C11orf71: variants seen among roughly 807,000 people sequenced by gnomAD.
C11orf71 encodes chromosome 11 open reading frame 71, also known as uncharacterized protein C11orf71.
For synonymous variants in C11orf71, 72 were observed against 73.4 expected (o/e 0.98, Z 0.09); for missense variants, 179 against 167.6 (o/e 1.07, Z -0.38).
At chr11:114,397,340 T>C (rs1946137128), downstream of C11orf71, among the ~76,000 whole-genome samples, 1 of 152,198 alleles carries the variant, frequency 6.6e-6, no homozygotes, top group African/African-American at 2.4e-5. Flanking sequence ...CTTGGGAAAC[T>C]TAGTTGTCCC....
In C11orf71 at chr11:114,399,907, T is replaced by G; in HGVS notation, c.*53A>C. 6.6e-7 allele frequency: 1 copy of G among 1,504,690 alleles called. No homozygotes were observed. Among genetic ancestry groups the G allele is most frequent in the Non-Finnish European group, 8.9e-7 (1 of 1,128,398 alleles). The allele number at this position is 1,504,690 out of a possible 1,614,324, so 93.2% of individuals were successfully genotyped here. On this transcript the variant is annotated 3_prime_UTR_variant, in exon 1 of 1. Coordinates refer to ENST00000623205, the MANE Select transcript of C11orf71 (RefSeq NM_001271562.2). ...CGATTGCTGCTACACCAAGAAAGGA[T>G]TTTAAAAAGGCCTGTTCACAAGCTA...
At chr11:114,393,232 T>TAAAAGTTAAAACAAGAAGCAAGATCTC in intron 1 of C11orf71, among the ~76,000 whole-genome samples, 1 of 152,172 alleles carries the variant, frequency 6.6e-6, no homozygotes, top group African/African-American at 2.4e-5. Flanking sequence ...TCCTATCTGT[T>TAAAAGTTAAAACAAGAAGCAAGATCTC]AAAAGTTAAA....
At chr11:114,392,544 AAAAAAAG>A (rs1370667621) in intron 1 of C11orf71, among the ~76,000 whole-genome samples, 3 of 148,752 alleles carry the variant, frequency 2.0e-5, no homozygotes, top group African/African-American at 7.4e-5. Flanking sequence ...AAAAAAAAAA[AAAAAAAG>A]AAGAAGAAGA....
At position 114,400,493 on chromosome 11, in the gene C11orf71, G is replaced by T; in HGVS notation, c.-162C>A. ...CCAGAAGCCGCCTTGCCTTTAACGA[G>T]GGGTATCCTGGCGAGCATGCGCAGA... On this transcript the variant is annotated 5_prime_UTR_variant, in exon 1 of 1. Transcript: ENST00000623205. The T allele has an allele frequency of 7.9e-7, 1 of 1,266,208 alleles. No individual in the cohort carries two copies. The highest frequency in any genetic ancestry group is 1.1e-6 in the Non-Finnish European group (1 of 929,872). 78.4% of individuals were successfully genotyped at this position (1,266,208 alleles called of 1,614,324 possible).
intron 1 of C11orf71, among the ~76,000 whole-genome samples, chr11:114,392,768 T>C (rs1025324018): frequency 6.7e-6 from 1 of 148,338 alleles, no homozygotes; most frequent in African/African-American, 2.5e-5. Flanking sequence ...GTACAATGCA[T>C]CTTTTTCAGG....
At chr11:114,397,577 T>A (rs1946138840), downstream of C11orf71, among the ~76,000 whole-genome samples, 1 of 152,180 alleles carries the variant, frequency 6.6e-6, no homozygotes, top group African/African-American at 2.4e-5. Flanking sequence ...TTACTGCACA[T>A]ACACTATTAT....
At chr11:114,395,739 T>G (rs1482403137), downstream of C11orf71, among the ~76,000 whole-genome samples, 5 of 152,206 alleles carry the variant, frequency 3.3e-5, no homozygotes, top group Admixed American at 6.5e-5. Flanking sequence ...ATAATGCCAA[T>G]TTTGATCCTC....
chr11:114,397,533 G>GTTCA (rs201556801), downstream of C11orf71, among the ~76,000 whole-genome samples: 311 of 152,222 alleles, frequency 2.0e-3, 2 homozygotes, highest in African/African-American at 7.2e-3. Flanking sequence ...GTTCTCTCTT[G>GTTCA]CCAAACAAAA....
chr11:114,400,189 G>A lies in C11orf71; in HGVS notation c.143C>T (p.Ala48Val), dbSNP rs781642078. The change falls in exon 1 of 1, where the codon GCG (alanine) becomes GTG (valine). Residue 48 changes from alanine to valine, a missense_variant. By Grantham distance (64) the Ala-to-Val change is moderately conservative (BLOSUM62 0). Coordinates refer to ENST00000623205, the MANE Select transcript of C11orf71 (RefSeq NM_001271562.2). ...GDGFLVSRPE[A>V]IHLGPRQAVR... Reference sequence around the variant, plus strand: ...CGCCTGCCGAGGTCCTAGATGAATCGCTTCAGGCCTGGAAACGAGGAAGCC... The same window carrying A: ...CGCCTGCCGAGGTCCTAGATGAATCACTTCAGGCCTGGAAACGAGGAAGCC... 2.5e-6 allele frequency: 4 copies of A among 1,613,548 alleles called. No homozygotes were observed. In the African/African-American group the frequency reaches 5.3e-5, roughly 22 times the overall value.
chr11:114,398,183 ACT>A (rs1411756028), downstream of C11orf71, among the ~76,000 whole-genome samples: 2 of 151,812 alleles, frequency 1.3e-5, no homozygotes, highest in Non-Finnish European at 2.9e-5. Flanking sequence ...CCAGTCTAAC[ACT>A]CTGTTTATAG....
intron 1 of C11orf71, among the ~76,000 whole-genome samples, chr11:114,392,529 C>CAAAAAAAAA (rs386374967): frequency 5.2e-4 from 27 of 51,556 alleles, no homozygotes; most frequent in South Asian, 1.1e-3. Context: ...TAGAATGAGA[C>CAAAAAAAAA]AAAAAAAAAA....
Position 114,400,154 on chromosome 11 carries a change from TTGGTCGCACCGCC to T in C11orf71, c.165_177del (p.Val57PhefsTer42), listed in dbSNP as rs1187067862. Reference sequence around the variant, plus strand: ...ACTCGACGGCTCTCGGCCCGAACGCTTGGTCGCACCGCCTGCCGAGGTCCTAGATGAATCGCTT... The same window carrying T: ...ACTCGACGGCTCTCGGCCCGAACGCTTGCCGAGGTCCTAGATGAATCGCTT... On this transcript the variant is annotated frameshift_variant, in exon 1 of 1. Transcript: ENST00000623205. LOFTEE classifies it low-confidence loss of function (END_TRUNC). 1.2e-6 allele frequency: 2 copies of T among 1,613,856 alleles called. No homozygotes were observed. The highest frequency in any genetic ancestry group is 1.7e-6 in the Non-Finnish European group (2 of 1,179,876).
downstream of C11orf71, among the ~76,000 whole-genome samples, chr11:114,395,530 C>G (rs1946124666): frequency 6.6e-6 from 1 of 152,120 alleles, no homozygotes; most frequent in South Asian, 2.1e-4. Flanking sequence ...ACTCTCAGGT[C>G]TTTGGGAAGT....
At chr11:114,394,221 TTCTTTTC>T (rs1565256466), downstream of C11orf71, among the ~76,000 whole-genome samples, 6 of 64,902 alleles carry the variant, frequency 9.2e-5, no homozygotes, top group African/African-American at 4.0e-4. Flanking sequence ...TTCTTTTCTT[TTCTTTTC>T]TTTCTTTTCT....
chr11:114,392,529 C>CAAAAAAAAAAAAAA (rs386374967), intron 1 of C11orf71, among the ~76,000 whole-genome samples: 2 of 51,658 alleles, frequency 3.9e-5, no homozygotes, highest in Non-Finnish European at 6.7e-5. Context: ...TAGAATGAGA[C>CAAAAAAAAAAAAAA]AAAAAAAAAA....
At chr11:114,395,479 T>G (rs1946124137), downstream of C11orf71, among the ~76,000 whole-genome samples, 2 of 152,142 alleles carry the variant, frequency 1.3e-5, no homozygotes. Context: ...TCTGAAATGT[T>G]TTTGGAGTGT....
chr11:114,392,803 A>G (rs1169906212), intron 1 of C11orf71, among the ~76,000 whole-genome samples: 3 of 151,168 alleles, frequency 2.0e-5, no homozygotes, highest in Non-Finnish European at 4.4e-5. Context: ...CCTGTTAGCC[A>G]CAGAAAACCC....
Position 114,399,831 on chromosome 11 carries a change from A to G in C11orf71, c.*129T>C. On this transcript the variant is annotated 3_prime_UTR_variant, in exon 1 of 1. Transcript: ENST00000623205. The stretch of plus-strand genomic sequence containing the variant: ...TCCCTTAGTGCTAGGACATATTCAT[A>G]TAACTCCCACGTATTAAATGAAAAT... 3.9e-6 allele frequency: 5 copies of G among 1,288,894 alleles called. No homozygotes were observed. Among genetic ancestry groups the G allele is most frequent in the Non-Finnish European group, 5.2e-6 (5 of 966,262 alleles). The allele number at this position is 1,288,894 out of a possible 1,614,324, so 79.8% of individuals were successfully genotyped here.
In C11orf71 at chr11:114,399,619, T is replaced by C. The variant is rs1332678476; in HGVS notation, c.*341A>G. On this transcript the variant is annotated 3_prime_UTR_variant, in exon 1 of 1. Coordinates refer to ENST00000623205, the MANE Select transcript of C11orf71 (RefSeq NM_001271562.2). Reference sequence around the variant, plus strand: ...AAATCAGTGTAATAAAAAGGAGCACTTCTTTTTCGCCAACAGAAGTAAAGG... The same window carrying C: ...AAATCAGTGTAATAAAAAGGAGCACCTCTTTTTCGCCAACAGAAGTAAAGG... 1 of 220,974 alleles carries C rather than the reference T, an allele frequency of 4.5e-6. No homozygotes were observed. The highest frequency in any genetic ancestry group is 9.0e-6 in the Non-Finnish European group (1 of 111,018). 13.7% of individuals were successfully genotyped at this position (220,974 alleles called of 1,614,324 possible).
Sources: gnomAD v4.1 joint callset for allele counts (sites outside exome capture counted in the v4.1 genomes callset) on GRCh38, gnomAD v4.1.1 for gene constraint, MANE v1.5 for transcripts, NCBI Gene and HGNC (gene_info 2026-07-23, HGNC 2026-07-21) for gene names.